Variants in RCN2 observed in about 807,000 individuals in gnomAD.
RCN2 encodes the protein reticulocalbin 2.
In RCN2, 23 loss-of-function variants were observed where a neutral mutation model predicts 37.5. The ratio of observed to expected loss-of-function variants is 0.61; its 90% CI spans 0.44 to 0.87. RCN2 has a LOEUF of 0.87. RCN2 is among the 40% of genes least tolerant of loss of function. RCN2 has a pLI of 0.00. For synonymous variants in RCN2, 140 were observed against 144.6 expected (o/e 0.97, Z 0.23); for missense variants, 381 against 390.4 (o/e 0.98, Z 0.20).
chr15:76,940,194 C>G (rs961804994), intron 3 of RCN2, among the ~76,000 whole-genome samples: 17 of 151,220 alleles, frequency 1.1e-4, no homozygotes, highest in African/African-American at 4.1e-4. Flanking sequence ...TAAGTAACTT[C>G]CTGTGTGTAT....
chr15:76,947,486 A>C lies in RCN2; in HGVS notation c.627A>C (p.Glu209Asp). 6.2e-7 allele frequency: 1 copy of C among 1,610,324 alleles called. No homozygotes were observed. Among genetic ancestry groups the C allele is most frequent in the East Asian group, 2.2e-5 (1 of 44,752 alleles). The change falls in exon 5 of 7, where the codon GAA (glutamate) becomes GAC (aspartate). Residue 209 changes from glutamate (E) to aspartate (D), a missense_variant. Coordinates refer to ENST00000394885, the MANE Select transcript of RCN2 (RefSeq NM_002902.3). Reference sequence around the variant, plus strand: ...ATGGTGATGGATTTGTTAGTTTGGAAGAATTTCTTGGTGATTACAGGTGGG... The same window carrying C: ...ATGGTGATGGATTTGTTAGTTTGGACGAATTTCTTGGTGATTACAGGTGGG... ...DKNGDGFVSL[E>D]EFLGDYRWDP...
At chr15:76,947,205 T>G (rs2075299959) in intron 4 of RCN2, among the ~76,000 whole-genome samples, 1 of 152,214 alleles carries the variant, frequency 6.6e-6, no homozygotes, top group Non-Finnish European at 1.5e-5. Context: ...GTTTTATTCT[T>G]GCTTCTAAAT....
chr15:76,949,230 G>A lies in RCN2; in HGVS notation c.*8G>A, dbSNP rs780753720. 1 of 1,588,126 alleles carries A rather than the reference G, an allele frequency of 6.3e-7. No homozygotes were observed. The highest frequency in any genetic ancestry group is 2.2e-5 in the East Asian group (1 of 44,490). On this transcript the variant is annotated 3_prime_UTR_variant, in exon 7 of 7. Coordinates refer to ENST00000394885, the MANE Select transcript of RCN2 (RefSeq NM_002902.3). ...TATCATGATGAGCTTTAATCTCTGAGCCTGTCTCAGTAGAGTACTGGCTCC... is the reference window on the plus strand; with the variant it reads ...TATCATGATGAGCTTTAATCTCTGAACCTGTCTCAGTAGAGTACTGGCTCC...
At chr15:76,941,614 C>A in intron 3 of RCN2, 2 of 1,377,012 alleles carry the variant, frequency 1.5e-6, no homozygotes, top group East Asian at 2.5e-5. Flanking sequence ...TGAAACTGAC[C>A]ATCTTTTTTG....
intron 2 of RCN2, among the ~76,000 whole-genome samples, chr15:76,934,149 G>GT (rs372340181): frequency 1.0e-3 from 144 of 144,476 alleles, no homozygotes; most frequent in East Asian, 1.2e-3. Flanking sequence ...ATAGTTTTTT[G>GT]TTTTTTTTTT....
rs1349537759 is a variant in RCN2, at chr15:76,943,773, A to C, written c.463A>C (p.Lys155Gln). Residue 155 changes from lysine (K) to glutamine (Q), a missense_variant, in exon 4 of 7, where the codon AAG becomes CAG. Lys to Gln is a moderately conservative substitution (Grantham distance 53, BLOSUM62 1). Coordinates refer to ENST00000394885, the MANE Select transcript of RCN2 (RefSeq NM_002902.3). ...ATTTTCAAAGCTTCACTTAAAGGAC[A>C]AGAAGCGATTTGAAAAAGCTAACCA... is the stretch of plus-strand genomic sequence containing the variant. ...ESFRKLHLKD[K>Q]KRFEKANQDS... The C allele has an allele frequency of 1.9e-6, 3 of 1,602,486 alleles. No homozygotes were observed. The highest frequency in any genetic ancestry group is 4.5e-5 in the East Asian group (2 of 44,794).
At chr15:76,945,863 T>C (rs1013049207) in intron 4 of RCN2, among the ~76,000 whole-genome samples, 4 of 152,156 alleles carry the variant, frequency 2.6e-5, no homozygotes, top group African/African-American at 4.8e-5. Flanking sequence ...TGGCACAGAA[T>C]ACATGACCCA....
intron 4 of RCN2, 51 bp from the exon 5 acceptor site, chr15:76,947,370 G>A (rs1431841147): frequency 8.9e-7 from 1 of 1,119,134 alleles, no homozygotes; most frequent in Non-Finnish European, 1.3e-6. Context: ...ATGGCAGTGG[G>A]ACTGAACATT....
At chr15:76,932,599 A>C (rs1223524639) in intron 2 of RCN2, 133 bp downstream of exon 2, 2 of 664,798 alleles carry the variant, frequency 3.0e-6, no homozygotes, top group Non-Finnish European at 5.4e-6. Flanking sequence ...CATGGAGAAT[A>C]GGCTTTATAC....
intron 3 of RCN2, 42 bp from the exon 4 acceptor site, chr15:76,943,716 A>T (rs1160750122): frequency 1.9e-6 from 2 of 1,032,910 alleles, no homozygotes; most frequent in Admixed American, 2.0e-5. Flanking sequence ...CAAAGTATTT[A>T]AAATGATGTG....
chr15:76,948,540 T>A lies in RCN2; in HGVS notation c.789T>A (p.Ile263=), dbSNP rs556021501. The A allele has an allele frequency of 1.9e-6, 3 of 1,578,298 alleles. No homozygotes were observed. In the Admixed American group the frequency reaches 5.4e-5, roughly 28 times the overall value. ...GGGTAGTACCTAATAATCAGGGCATTGCACAAGAGGAGGTAAGTGTTACAG... is the reference window on the plus strand; with the variant it reads ...GGGTAGTACCTAATAATCAGGGCATAGCACAAGAGGAGGTAAGTGTTACAG... ...LPWVVPNNQG[I]AQEEALHLID... Residue 263 remains isoleucine (I), a synonymous_variant, in exon 6 of 7, where the codon ATT becomes ATA. Transcript: ENST00000394885.
chr15:76,941,422 ATT>A (rs1278368644), intron 3 of RCN2: 1 of 390,512 alleles, frequency 2.6e-6, no homozygotes, highest in African/African-American at 2.1e-5. Flanking sequence ...CACATTATAT[ATT>A]TCCTCATGTA....
Position 76,949,116 on chromosome 15 carries a change from T to C in RCN2, c.848T>C (p.Leu283Pro). The C allele has an allele frequency of 6.2e-7, 1 of 1,612,260 alleles. No homozygotes were observed. Among genetic ancestry groups the C allele is most frequent in the Non-Finnish European group, 8.5e-7 (1 of 1,179,408 alleles). The stretch of plus-strand genomic sequence containing the variant: ...ATGGATTTGAATGGTGACAAAAAGC[T>C]CTCTGAAGAAGAGATTCTGGAAAAC... ...DEMDLNGDKK[L>P]SEEEILENPD... is the part of the protein sequence containing the mutation. The change falls in exon 7 of 7, where the codon CTC becomes CCC. Residue 283 changes from leucine (L) to proline (P), a missense_variant. Coordinates refer to ENST00000394885, the MANE Select transcript of RCN2 (RefSeq NM_002902.3).
chr15:76,935,539 A>T lies in RCN2; in HGVS notation c.264A>T (p.Ser88=). 1 of 1,611,704 alleles carries T rather than the reference A, an allele frequency of 6.2e-7. No individual in the cohort carries two copies. The highest frequency in any genetic ancestry group is 8.5e-7 in the Non-Finnish European group (1 of 1,179,032). The part of the protein sequence containing the change: ...DGFLTESELS[S]WIQMSFKHYA... Reference sequence around the variant, plus strand: ...AAATTCTCATAGGTGAACTCAGTTCATGGATTCAGATGTCTTTTAAGCATT... The same window carrying T: ...AAATTCTCATAGGTGAACTCAGTTCTTGGATTCAGATGTCTTTTAAGCATT... The change falls in exon 3 of 7, where the codon TCA becomes TCT. Residue 88 remains serine (S), a synonymous_variant. Transcript: ENST00000394885.
rs1016097876 is a variant in RCN2, at chr15:76,931,836, G to A, written c.-6G>A. 34 of 1,229,692 alleles carry A rather than the reference G, an allele frequency of 2.8e-5. No homozygotes were observed. In the African/African-American group the frequency reaches 5.1e-4, roughly 18 times the overall value. 76.2% of individuals were successfully genotyped at this position (1,229,692 alleles called of 1,614,324 possible). On this transcript the variant is annotated 5_prime_UTR_variant, in exon 1 of 7. Coordinates refer to ENST00000394885, the MANE Select transcript of RCN2 (RefSeq NM_002902.3). The stretch of plus-strand genomic sequence containing the variant: ...CGTCCCTCGGTGTCCTCCGCGGGCC[G>A]GCGCGATGCGGCTGGGCCCGAGGAC...
rs933039205 is a variant in RCN2 at position 76,952,131 on chromosome 15, A to ACTATC, written c.*2919_*2923dup. On this transcript the variant is annotated 3_prime_UTR_variant, in exon 7 of 7. Transcript: ENST00000394885. ...GCCCCACATACGTACAGCCTCCCCC[A>ACTATC]CTATCCTATCCTATATGTCATGAGA... The ACTATC allele has an allele frequency of 1.3e-5, 2 of 151,426 alleles. No homozygotes were observed. Among genetic ancestry groups the ACTATC allele is most frequent in the Non-Finnish European group, 2.9e-5 (2 of 67,958 alleles). The allele number at this position is 151,426 out of a possible 1,614,324, so 9.4% of individuals were successfully genotyped here. A position where few individuals can be genotyped will look rare whatever the true frequency, so the allele number is the denominator to read the frequency against.
chr15:76,949,301 G>T lies in RCN2; in HGVS notation c.*79G>T. 9.8e-7 allele frequency: 1 copy of T among 1,024,694 alleles called. No individual in the cohort carries two copies. The allele number at this position is 1,024,694 out of a possible 1,614,324, so 63.5% of individuals were successfully genotyped here. A position where few individuals can be genotyped will look rare whatever the true frequency, so the allele number is the denominator to read the frequency against. On this transcript the variant is annotated 3_prime_UTR_variant, in exon 7 of 7. Coordinates refer to ENST00000394885, the MANE Select transcript of RCN2 (RefSeq NM_002902.3). Reference sequence around the variant, plus strand: ...TTTACTTTTGTGATAAAATATTGATGTTGTATTTTACACTCTTAAGTCTTA... The same window carrying T: ...TTTACTTTTGTGATAAAATATTGATTTTGTATTTTACACTCTTAAGTCTTA...
intron 3 of RCN2, chr15:76,942,448 T>G (rs2075279814): frequency 6.6e-6 from 1 of 152,182 alleles, no homozygotes; most frequent in South Asian, 2.1e-4. Flanking sequence ...GGTTACAGAA[T>G]TACCATTGAA....
At chr15:76,935,197 G>A (rs1596002126) in intron 2 of RCN2, among the ~76,000 whole-genome samples, 1 of 152,146 alleles carries the variant, frequency 6.6e-6, no homozygotes, top group Admixed American at 6.5e-5. Context: ...GGTGGCACAT[G>A]CCTGTAGTTC....
Sources: allele counts gnomAD v4.1 joint callset (sites outside exome capture counted in the v4.1 genomes callset), GRCh38; gene constraint gnomAD v4.1.1; transcripts MANE v1.5; gene names NCBI Gene and HGNC (gene_info 2026-07-23, HGNC 2026-07-21).